The following RHOA variants were observed in gnomAD, a reference collection of about 807,000 sequenced individuals.
RHOA encodes the protein ras homolog family member A.
In RHOA, 3 loss-of-function variants were observed where a neutral mutation model predicts 17.5. The ratio of observed to expected loss-of-function variants is 0.17; its 90% CI spans 0.08 to 0.44. RHOA has a LOEUF of 0.44. RHOA is among the 20% of genes least tolerant of loss of function. The pLI is 0.99. For missense variants in RHOA, 56 were observed against 242.3 expected (o/e 0.23, Z 5.10); for synonymous variants, 98 against 88.4 (o/e 1.11, Z -0.61).
chr3:49,404,432 A>AC (rs1368554786), intron 1 of RHOA, among the ~76,000 whole-genome samples: 10,738 of 126,930 alleles, frequency 0.085, 1,513 homozygotes, highest in East Asian at 0.68. Context: ...GTCTCTAGTA[A>AC]AACACACACA....
At chr3:49,364,798 CCTGT>C (rs1274370582) in intron 3 of RHOA, among the ~76,000 whole-genome samples, 5 of 150,984 alleles carry the variant, frequency 3.3e-5, no homozygotes, top group African/African-American at 1.2e-4. Flanking sequence ...ATGTTGAAAC[CCTGT>C]CTCTACTAAT....
intron 1 of RHOA, among the ~76,000 whole-genome samples, chr3:49,397,267 T>C (rs891195337): frequency 6.6e-6 from 1 of 151,802 alleles, no homozygotes; most frequent in East Asian, 1.9e-4. Context: ...TAGGCAAATC[T>C]ATAGAGACAC....
chr3:49,378,733 A>G (rs1368224527), intron 1 of RHOA, among the ~76,000 whole-genome samples: 2 of 151,998 alleles, frequency 1.3e-5, no homozygotes, highest in Non-Finnish European at 2.9e-5. Context: ...CCTCTCCAGT[A>G]GCTGGGACTA....
intron 1 of RHOA, among the ~76,000 whole-genome samples, chr3:49,401,158 A>G (rs769673476): frequency 1.4e-4 from 22 of 151,770 alleles, no homozygotes; most frequent in Admixed American, 9.9e-4. Context: ...CTAAGTTACT[A>G]CCCTTCTTTT....
At chr3:49,383,643 T>G (rs1431459100) in intron 1 of RHOA, among the ~76,000 whole-genome samples, 1 of 152,146 alleles carries the variant, frequency 6.6e-6, no homozygotes, top group Non-Finnish European at 1.5e-5. Flanking sequence ...CTGAGATTAC[T>G]GCATGTGTCT....
At chr3:49,380,068 A>G (rs1376877712) in intron 1 of RHOA, among the ~76,000 whole-genome samples, 1 of 152,170 alleles carries the variant, frequency 6.6e-6, no homozygotes, top group Non-Finnish European at 1.5e-5. Flanking sequence ...AGACATGGCC[A>G]TGTACCATGA....
rs1334476208 is a variant in RHOA, at chr3:49,359,306, A to T, written c.*903T>A. 1.6e-5 allele frequency: 3 copies of T among 193,460 alleles called. No homozygotes were observed. Among genetic ancestry groups the T allele is most frequent in the African/African-American group, 7.0e-5 (3 of 43,046 alleles). The allele number at this position is 193,460 out of a possible 1,614,324, so 12.0% of individuals were successfully genotyped here. A position where few individuals can be genotyped will look rare whatever the true frequency, so the allele number is the denominator to read the frequency against. On this transcript the variant is annotated 3_prime_UTR_variant, in exon 5 of 5. Transcript: ENST00000418115. Reference sequence around the variant, plus strand: ...CAGTGAGGAGAAAAGAGCACTGTGAATTAGAGCCAGATGCTTAAGTCCAGG... The same window carrying T: ...CAGTGAGGAGAAAAGAGCACTGTGATTTAGAGCCAGATGCTTAAGTCCAGG...
At chr3:49,390,148 T>TC (rs1037605125) in intron 1 of RHOA, among the ~76,000 whole-genome samples, 1 of 151,622 alleles carries the variant, frequency 6.6e-6, no homozygotes, top group African/African-American at 2.4e-5. Context: ...TTTTTTTTTT[T>TC]CTTTAAGATG....
chr3:49,360,628 C>G (rs1482813135), intron 4 of RHOA, among the ~76,000 whole-genome samples: 1 of 151,904 alleles, frequency 6.6e-6, no homozygotes, highest in Non-Finnish European at 1.5e-5. Context: ...CCACCACGCC[C>G]AAGTAATTTT....
chr3:49,372,916 G>A (rs1031871074), intron 2 of RHOA, among the ~76,000 whole-genome samples: 7 of 152,036 alleles, frequency 4.6e-5, no homozygotes, highest in African/African-American at 1.7e-4. Flanking sequence ...GCTTACTGAT[G>A]GTCAAACAAC....
At chr3:49,367,731 A>G (rs67485053) in intron 3 of RHOA, among the ~76,000 whole-genome samples, 43,274 of 151,518 alleles carry the variant, frequency 0.29, 6,716 homozygotes, top group Middle Eastern at 0.32. Context: ...CATGTTGCCT[A>G]GGCTGGTCTC....
intron 3 of RHOA, among the ~76,000 whole-genome samples, chr3:49,367,366 A>AAAAAAAAAAAAAAACAT (rs2048076007): frequency 6.8e-6 from 1 of 146,562 alleles, no homozygotes; most frequent in Non-Finnish European, 1.5e-5. Context: ...AAAAAAAAAA[A>AAAAAAAAAAAAAAACAT]GAATACTGAC....
chr3:49,404,629 A>AG (rs2048789615), intron 1 of RHOA, among the ~76,000 whole-genome samples: 1 of 148,458 alleles, frequency 6.7e-6, no homozygotes, highest in African/African-American at 2.5e-5. Flanking sequence ...AAAAAAAAAA[A>AG]AAAAAAAAAG....
At chr3:49,387,605 C>T (rs911734757) in intron 1 of RHOA, among the ~76,000 whole-genome samples, 1 of 151,672 alleles carries the variant, frequency 6.6e-6, no homozygotes, top group East Asian at 1.9e-4. Context: ...ATTAGCCAGG[C>T]GTGGTGGCGG....
At position 49,375,644 on chromosome 3, in the gene RHOA, C is replaced by A. The variant is rs2048214097; in HGVS notation, c.-2-53G>T. 4 of 1,570,692 alleles carry A rather than the reference C, an allele frequency of 2.5e-6. No individual in the cohort carries two copies. In the Admixed American group the frequency reaches 7.1e-5, roughly 28 times the overall value. On this transcript the variant is annotated intron_variant, in intron 1 of 4. Transcript: ENST00000418115. The stretch of plus-strand genomic sequence containing the variant: ...GCAATGCACAAGAAGTCATAGGTAG[C>A]TTACAGGATGACACATGCTTTGGTA...
At chr3:49,393,676 C>CTCTGTG (rs1407688604) in intron 1 of RHOA, among the ~76,000 whole-genome samples, 3 of 10,360 alleles carry the variant, frequency 2.9e-4, no homozygotes, top group African/African-American at 7.1e-4. Flanking sequence ...AATTCTCTCT[C>CTCTGTG]TGTGTGTGTG....
At chr3:49,372,663 G>GGCAGAGGTT (rs1362989979) in intron 2 of RHOA, among the ~76,000 whole-genome samples, 3 of 150,768 alleles carry the variant, frequency 2.0e-5, no homozygotes, top group Non-Finnish European at 4.4e-5. Context: ...GAACCCAGGA[G>GGCAGAGGTT]GCAGAGGTTG....
intron 2 of RHOA, among the ~76,000 whole-genome samples, chr3:49,374,168 G>A (rs1259062967): frequency 6.6e-5 from 10 of 151,714 alleles, no homozygotes; most frequent in African/African-American, 2.4e-4. Flanking sequence ...GGCTAACACG[G>A]TGAAACCCCG....
chr3:49,390,050 T>G (rs2048470007), intron 1 of RHOA, among the ~76,000 whole-genome samples: 2 of 151,886 alleles, frequency 1.3e-5, no homozygotes, highest in African/African-American at 4.8e-5. Context: ...AAAGGAGCCT[T>G]CCCCTCCTTT....
Sources: gnomAD v4.1 joint callset for allele counts (sites outside exome capture counted in the v4.1 genomes callset) on GRCh38, gnomAD v4.1.1 for gene constraint, MANE v1.5 for transcripts, NCBI Gene and HGNC (gene_info 2026-07-23, HGNC 2026-07-21) for gene names.